The following MCUR1 variants were observed in gnomAD, a reference collection of about 807,000 sequenced individuals.
The protein encoded by MCUR1 is mitochondrial calcium uniporter regulator 1.
In MCUR1, 37 loss-of-function variants were observed where a neutral mutation model predicts 42.0. That is an observed-to-expected ratio of 0.88 (90% CI 0.68 to 1.16). The LOEUF (loss-of-function observed/expected upper bound fraction) is 1.16, where lower values mean the gene tolerates loss of function less well. Among genes scored for constraint, MCUR1 ranks in the 50% most tolerant of loss-of-function variants. The pLI, the probability that MCUR1 is intolerant of heterozygous loss-of-function variation, is 0.00. For synonymous variants in MCUR1, 229 were observed against 196.2 expected (o/e 1.17, Z -1.40); for missense variants, 469 against 468.4 (o/e 1.00, Z -0.01).
intron 6 of MCUR1, among the ~76,000 whole-genome samples, chr6:13,798,152 G>C (rs1260393912): frequency 5.9e-5 from 9 of 151,466 alleles, no homozygotes; most frequent in African/African-American, 2.2e-4. Flanking sequence ...CTAGAGAGCA[G>C]TGGCACAATC....
Position 13,790,762 on chromosome 6 carries a change from G to A in MCUR1, c.*47C>T, listed in dbSNP as rs1451165102. The A allele has an allele frequency of 1.3e-6, 2 of 1,486,248 alleles. No homozygotes were observed. The highest frequency in any genetic ancestry group is 1.9e-6 in the Non-Finnish European group (2 of 1,072,228). The allele number at this position is 1,486,248 out of a possible 1,614,324, so 92.1% of individuals were successfully genotyped here. A position where few individuals can be genotyped will look rare whatever the true frequency, so the allele number is the denominator to read the frequency against. ...GCCACCGCACCCAGCCAACAATCTG[G>A]TATTCTTAAGGCAAAACAGTAGAAA... On this transcript the variant is annotated 3_prime_UTR_variant, in exon 9 of 9. Transcript: ENST00000379170.
At chr6:13,799,927 G>A (rs1372928033) in intron 5 of MCUR1, among the ~76,000 whole-genome samples, 1 of 148,652 alleles carries the variant, frequency 6.7e-6, no homozygotes, top group Non-Finnish European at 1.5e-5. Flanking sequence ...TGCTTCCTGG[G>A]TTCAAGTGAT....
chr6:13,802,415 C>G (rs893084145), intron 2 of MCUR1, 69 bp from the exon 3 acceptor site: 3 of 1,210,416 alleles, frequency 2.5e-6, no homozygotes, highest in Non-Finnish European at 3.7e-6. Flanking sequence ...TGCACACATT[C>G]ATGTGAATGT....
chr6:13,798,987 G>GC, intron 5 of MCUR1, 83 bp from the exon 6 acceptor site: 2 of 813,308 alleles, frequency 2.5e-6, no homozygotes, highest in Non-Finnish European at 2.1e-6. Flanking sequence ...TGGGACCACT[G>GC]CCCCCACTGT....
At position 13,791,904 on chromosome 6, in the gene MCUR1, T is replaced by C; in HGVS notation, c.998A>G (p.Lys333Arg). 1 of 1,613,742 alleles carries C rather than the reference T, an allele frequency of 6.2e-7. No homozygotes were observed. Among genetic ancestry groups the C allele is most frequent in the Non-Finnish European group, 8.5e-7 (1 of 1,179,682 alleles). ...TGCTAAATATTTAATATTATCAAGC[T>C]TGTGTGACTCAAGCATGGTTTTGAG... Reference protein sequence around the residue: ...AGLKTMLESHKLDNIKYLAGS... With the variant: ...AGLKTMLESHRLDNIKYLAGS... Residue 333 changes from lysine (K) to arginine (R), a missense_variant, in exon 8 of 9, where the codon AAG becomes AGG. Lys to Arg is a conservative substitution (Grantham distance 26, BLOSUM62 2). Transcript: ENST00000379170.
chr6:13,790,294 C>G lies in MCUR1; in HGVS notation c.*515G>C, dbSNP rs1337507036. 1.9e-5 allele frequency: 3 copies of G among 153,970 alleles called. No homozygotes were observed. The highest frequency in any genetic ancestry group is 4.3e-5 in the Non-Finnish European group (3 of 69,520). The allele number at this position is 153,970 out of a possible 1,614,324, so 9.5% of individuals were successfully genotyped here. ...CTTCCATGCACTGTGCACCACTCAG[C>G]TAGAAAGTCAACTAAGCAGAAAGGA... On this transcript the variant is annotated 3_prime_UTR_variant, in exon 9 of 9. Transcript: ENST00000379170.
chr6:13,810,735 A>ACCC (rs1760214556), intron 1 of MCUR1, among the ~76,000 whole-genome samples: 2 of 152,236 alleles, frequency 1.3e-5, no homozygotes, highest in Non-Finnish European at 2.9e-5. Flanking sequence ...TGGTCACTGT[A>ACCC]AGCATCCAGA....
At chr6:13,796,065 C>G (rs901435472) in intron 6 of MCUR1, among the ~76,000 whole-genome samples, 1 of 152,012 alleles carries the variant, frequency 6.6e-6, no homozygotes, top group South Asian at 2.1e-4. Flanking sequence ...TATAGTCATT[C>G]CAGATAAAGT....
chr6:13,804,959 G>A (rs1760086181), intron 2 of MCUR1, among the ~76,000 whole-genome samples: 1 of 152,026 alleles, frequency 6.6e-6, no homozygotes, highest in Non-Finnish European at 1.5e-5. Flanking sequence ...AGAAAGGGTA[G>A]AATATGCCTT....
At chr6:13,791,421 G>A (rs763868328) in intron 8 of MCUR1, among the ~76,000 whole-genome samples, 1 of 152,168 alleles carries the variant, frequency 6.6e-6, no homozygotes, top group Non-Finnish European at 1.5e-5. Context: ...AATCTGACTT[G>A]AAATAATGGT....
intron 5 of MCUR1, 120 bp from the exon 6 acceptor site, chr6:13,799,024 G>A: frequency 3.2e-6 from 2 of 628,690 alleles, no homozygotes; most frequent in South Asian, 3.9e-5. Flanking sequence ...GCAACCCAGG[G>A]AGGGAGAGAG....
At chr6:13,806,481 T>A (rs1293042944) in intron 2 of MCUR1, among the ~76,000 whole-genome samples, 2 of 152,242 alleles carry the variant, frequency 1.3e-5, no homozygotes, top group Non-Finnish European at 2.9e-5. Context: ...CATGGTGATG[T>A]TACAGAAATA....
At position 13,790,807 on chromosome 6, in the gene MCUR1, T is replaced by A. The variant is rs201758285; in HGVS notation, c.*2A>T. 145 of 1,610,010 alleles carry A rather than the reference T, an allele frequency of 9.0e-5. No individual in the cohort carries two copies. Among genetic ancestry groups the A allele is most frequent in the Non-Finnish European group, 1.0e-4 (119 of 1,177,102 alleles). On this transcript the variant is annotated 3_prime_UTR_variant, in exon 9 of 9. Coordinates refer to ENST00000379170, the MANE Select transcript of MCUR1 (RefSeq NM_001031713.4). Reference sequence around the variant, plus strand: ...TAGAAATCACTTTAAATAGACACTTTATTAGATCCACAGGCGATAAAATCC... The same window carrying A: ...TAGAAATCACTTTAAATAGACACTTAATTAGATCCACAGGCGATAAAATCC...
intron 2 of MCUR1, chr6:13,804,017 T>C (rs1265840069): frequency 1.6e-5 from 16 of 974,998 alleles, no homozygotes; most frequent in Non-Finnish European, 1.9e-5. Flanking sequence ...AGAGTTCATG[T>C]TTAAACATAA....
intron 6 of MCUR1, among the ~76,000 whole-genome samples, chr6:13,797,051 C>T (rs1759872493): frequency 6.6e-6 from 1 of 152,150 alleles, no homozygotes. Flanking sequence ...GGTAACACAG[C>T]CTTAATAATT....
At chr6:13,795,318 TCA>T (rs1237573154) in intron 6 of MCUR1, among the ~76,000 whole-genome samples, 1 of 151,974 alleles carries the variant, frequency 6.6e-6, no homozygotes, top group East Asian at 1.9e-4. Context: ...CCACTAAACC[TCA>T]GTCTTCATTA....
Position 13,788,623 on chromosome 6 carries a change from A to G in MCUR1, c.*2186T>C, listed in dbSNP as rs919913450. ...AATGTTTACCTTGAAACATAATCGC[A>G]TATGGCCCTTTATGCCACTCACCTA... On this transcript the variant is annotated 3_prime_UTR_variant, in exon 9 of 9. Transcript: ENST00000379170. 5.9e-5 allele frequency: 9 copies of G among 152,198 alleles called. No homozygotes were observed. Among genetic ancestry groups the G allele is most frequent in the African/African-American group, 2.2e-4 (9 of 41,456 alleles). 9.4% of individuals were successfully genotyped at this position (152,198 alleles called of 1,614,324 possible).
At chr6:13,796,757 T>C (rs1025735088) in intron 6 of MCUR1, among the ~76,000 whole-genome samples, 1 of 152,222 alleles carries the variant, frequency 6.6e-6, no homozygotes, top group Non-Finnish European at 1.5e-5. Flanking sequence ...AATGACTCCA[T>C]ATAAAATTTT....
In MCUR1 at chr6:13,802,347, C is replaced by T. The variant is rs757924396; in HGVS notation, c.536-1G>A. 6.0e-5 allele frequency: 97 copies of T among 1,612,172 alleles called. No individual in the cohort carries two copies. Among genetic ancestry groups the T allele is most frequent in the Non-Finnish European group, 8.1e-5 (95 of 1,178,800 alleles). ...ATTTCTGCTTGTTGAGTAGCAAACC[C>T]TAAGCAAGCACACAAGCAAAAAAAA... On this transcript the variant is annotated splice_acceptor_variant, in intron 2 of 8. Coordinates refer to ENST00000379170, the MANE Select transcript of MCUR1 (RefSeq NM_001031713.4). LOFTEE classifies it high-confidence loss of function.
Sources: gnomAD v4.1 joint callset for allele counts (sites outside exome capture counted in the v4.1 genomes callset) on GRCh38, gnomAD v4.1.1 for gene constraint, MANE v1.5 for transcripts, NCBI Gene and HGNC (gene_info 2026-07-23, HGNC 2026-07-21) for gene names.